Variants in SIAH1 observed in about 807,000 individuals in gnomAD.
SIAH1 encodes siah E3 ubiquitin protein ligase 1.
SIAH1 carries 2 observed loss-of-function variants against 20.0 expected under a neutral mutation model. The ratio of observed to expected loss-of-function variants is 0.10; its 90% CI spans 0.04 to 0.31. SIAH1 has a LOEUF of 0.31. SIAH1 is among the 10% of genes least tolerant of loss of function. The probability of loss-of-function intolerance (pLI) is 1.00; values close to 1 mark genes in which losing one functional copy is unlikely to be tolerated. For synonymous variants in SIAH1, 118 were observed against 125.3 expected, an observed-to-expected ratio of 0.94 and a Z score of 0.39; for missense variants, 119 against 355.3, an observed-to-expected ratio of 0.33 and a Z score of 5.35.
chr16:48,367,523 CTGGCTTTTGTCTAGATTGAGATGGG>C (rs1960872318), intron 1 of SIAH1, among the ~76,000 whole-genome samples: 1 of 152,218 alleles, frequency 6.6e-6, no homozygotes, highest in Admixed American at 6.5e-5. Context: ...CCAGCCTCAA[CTGGCTTTTGTCTAGATTGAGATGGG>C]TAATTTATGT....
upstream of SIAH1, among the ~76,000 whole-genome samples, chr16:48,385,658 CA>C (rs1209721150): frequency 6.6e-6 from 1 of 152,120 alleles, no homozygotes; most frequent in Non-Finnish European, 1.5e-5. Context: ...CGGATCCTGG[CA>C]CGTGGCGCTC....
At chr16:48,372,926 G>C (rs773065955) in intron 1 of SIAH1, among the ~76,000 whole-genome samples, 1 of 152,142 alleles carries the variant, frequency 6.6e-6, no homozygotes, top group Non-Finnish European at 1.5e-5. Context: ...TGAACTGTCA[G>C]CAACACCTAA....
upstream of SIAH1, among the ~76,000 whole-genome samples, chr16:48,385,723 G>T (rs1039625805): frequency 6.6e-6 from 1 of 152,050 alleles, no homozygotes; most frequent in African/African-American, 2.4e-5. Flanking sequence ...TCCTCCCGCG[G>T]CGCTTTGTTC....
intron 1 of SIAH1, among the ~76,000 whole-genome samples, chr16:48,383,948 C>CT (rs1961363356): frequency 6.6e-6 from 1 of 152,214 alleles, no homozygotes; most frequent in African/African-American, 2.4e-5. Context: ...GCTGCCACTG[C>CT]TTTCAGTCCA....
chr16:48,366,186 T>A (rs1459820983), intron 1 of SIAH1, among the ~76,000 whole-genome samples: 1 of 151,114 alleles, frequency 6.6e-6, no homozygotes, highest in Admixed American at 6.6e-5. Context: ...CTATTTTCGG[T>A]AGGTCAGAAC....
Position 48,362,567 on chromosome 16 carries a change from TA to T in SIAH1, c.-2-138del. The T allele has an allele frequency of 1.2e-6, 1 of 811,738 alleles. No homozygotes were observed. Among genetic ancestry groups the T allele is most frequent in the Non-Finnish European group, 1.9e-6 (1 of 517,420 alleles). 50.3% of individuals were successfully genotyped at this position (811,738 alleles called of 1,614,324 possible). A position where few individuals can be genotyped will look rare whatever the true frequency, so the allele number is the denominator to read the frequency against. On this transcript the variant is annotated intron_variant, in intron 1 of 1. Coordinates refer to ENST00000394725, the MANE Select transcript of SIAH1 (RefSeq NM_003031.4). This position sits in a 1 kb window ranked among gnomAD's most constrained non-coding sequence, Gnocchi z 4.2. ...AGCAAAAGAGGAAGAAAAATAGGAT[TA>T]AAAAAGATATTAAAAAAATAAAATT... is the stretch of plus-strand genomic sequence containing the variant.
chr16:48,366,900 A>G (rs1960856674), intron 1 of SIAH1, among the ~76,000 whole-genome samples: 1 of 152,140 alleles, frequency 6.6e-6, no homozygotes, highest in Non-Finnish European at 1.5e-5. Context: ...AGTCAGCCCC[A>G]CAACTACTTT....
chr16:48,362,375 T>C lies in SIAH1; in HGVS notation c.54A>G (p.Pro18=), dbSNP rs551135519. 1.2e-6 allele frequency: 2 copies of C among 1,614,228 alleles called. No homozygotes were observed. Among genetic ancestry groups the C allele is most frequent in the African/African-American group, 2.7e-5 (2 of 75,070 alleles). The change falls in exon 2 of 2, where the codon CCA becomes CCG. Residue 18 remains proline (P), a synonymous_variant. Transcript: ENST00000394725. This position sits in a 1 kb window ranked among gnomAD's most constrained non-coding sequence, Gnocchi z 4.2. ...CAGTCAGGGCAGGCACCCTCTGGGA[T>C]GGTGGACACTTCGAGGTACCGGTAG... ...ALPTGTSKCP[P]SQRVPALTGT... is the part of the protein sequence containing the mutation.
At chr16:48,379,080 A>G (rs868705033) in intron 1 of SIAH1, among the ~76,000 whole-genome samples, 50 of 152,366 alleles carry the variant, frequency 3.3e-4, no homozygotes, top group Admixed American at 2.2e-3. Context: ...ATGTGCTTTT[A>G]GATGCAAAGT....
chr16:48,361,446 CCTTT>C lies in SIAH1; in HGVS notation c.*130_*133del. 1 of 791,124 alleles carries C rather than the reference CCTTT, an allele frequency of 1.3e-6. No homozygotes were observed. Among genetic ancestry groups the C allele is most frequent in the Non-Finnish European group, 2.0e-6 (1 of 488,240 alleles). 49.0% of individuals were successfully genotyped at this position (791,124 alleles called of 1,614,324 possible). On this transcript the variant is annotated 3_prime_UTR_variant, in exon 2 of 2. Coordinates refer to ENST00000394725, the MANE Select transcript of SIAH1 (RefSeq NM_003031.4). ...TGCAACTGTTTCCTGTATTTAACAG[CCTTT>C]CTTTTTATTTACCTTCATGTGTCTA...
chr16:48,362,602 T>A lies in SIAH1; in HGVS notation c.-2-172A>T. The A allele has an allele frequency of 1.5e-6, 1 of 658,160 alleles. No individual in the cohort carries two copies. Among genetic ancestry groups the A allele is most frequent in the South Asian group, 2.0e-5 (1 of 49,636 alleles). 40.8% of individuals were successfully genotyped at this position (658,160 alleles called of 1,614,324 possible). On this transcript the variant is annotated intron_variant, in intron 1 of 1. Coordinates refer to ENST00000394725, the MANE Select transcript of SIAH1 (RefSeq NM_003031.4). This position sits in a 1 kb window ranked among gnomAD's most constrained non-coding sequence, Gnocchi z 4.2. The stretch of plus-strand genomic sequence containing the variant: ...ATTAAAAAAATAAAATTACACTGAA[T>A]GTGCACTTTATTAGGATCTGTACAC...
intron 1 of SIAH1, among the ~76,000 whole-genome samples, chr16:48,370,632 C>A (rs565049380): frequency 6.6e-6 from 1 of 152,004 alleles, no homozygotes; most frequent in Non-Finnish European, 1.5e-5. Context: ...CAGTGAAACC[C>A]CGTCTCTACT....
chr16:48,362,001 G>C lies in SIAH1; in HGVS notation c.428C>G (p.Ala143Gly). Residue 143 changes from alanine to glycine, a missense_variant, in exon 2 of 2, where the codon GCT (alanine) becomes GGT (glycine). By Grantham distance (60) the Ala-to-Gly change is moderately conservative (BLOSUM62 0). Transcript: ENST00000394725. This position sits in a 1 kb window ranked among gnomAD's most constrained non-coding sequence, Gnocchi z 4.2. ...ASCKWQGSLD[A>G]VMPHLMHQHK... ...CTGATGCATCAGATGGGGCATTACA[G>C]CATCCAGAGAGCCTTGCCATTTACA... 1 of 1,614,194 alleles carries C rather than the reference G, an allele frequency of 6.2e-7. No homozygotes were observed. The highest frequency in any genetic ancestry group is 2.2e-5 in the East Asian group (1 of 44,892).
In SIAH1 at chr16:48,362,015, T is replaced by C. The variant is rs746549456; in HGVS notation, c.414A>G (p.Gln138=). The C allele has an allele frequency of 1.2e-6, 2 of 1,614,168 alleles. No homozygotes were observed. The highest frequency in any genetic ancestry group is 1.7e-6 in the Non-Finnish European group (2 of 1,180,010). Reference sequence around the variant, plus strand: ...GGGGCATTACAGCATCCAGAGAGCCTTGCCATTTACAGGAAGCACCAGGGC... The same window carrying C: ...GGGGCATTACAGCATCCAGAGAGCCCTGCCATTTACAGGAAGCACCAGGGC... The part of the protein sequence containing the change: ...CPCPGASCKW[Q]GSLDAVMPHL... Residue 138 remains glutamine (Q), a synonymous_variant, in exon 2 of 2, where the codon CAA becomes CAG. Transcript: ENST00000394725. This position sits in a 1 kb window ranked among gnomAD's most constrained non-coding sequence, Gnocchi z 4.2.
At chr16:48,363,965 T>TG (rs1960724437) in intron 1 of SIAH1, 1 of 154,968 alleles carries the variant, frequency 6.5e-6, no homozygotes, top group Middle Eastern at 3.2e-3. Context: ...TTTTTTTTTT[T>TG]TTTGAGATGG....
chr16:48,362,339 T>C lies in SIAH1; in HGVS notation c.90A>G (p.Ala30=), dbSNP rs1442630981. 1.2e-6 allele frequency: 2 copies of C among 1,614,076 alleles called. No individual in the cohort carries two copies. The highest frequency in any genetic ancestry group is 1.7e-6 in the Non-Finnish European group (2 of 1,180,052). Residue 30 remains alanine (A), a synonymous_variant, in exon 2 of 2, where the codon GCA becomes GCG. Coordinates refer to ENST00000394725, the MANE Select transcript of SIAH1 (RefSeq NM_003031.4). The surrounding 1 kb of genome is among the most constrained non-coding windows in gnomAD (Gnocchi z 4.2). ...QRVPALTGTT[A]SNNDLASLFE... is the part of the protein sequence containing the mutation. ...AAAGACTCGCCAAGTCATTGTTGGA[T>C]GCAGTTGTGCCAGTCAGGGCAGGCA...
At chr16:48,363,527 T>TC (rs1960694840) in intron 1 of SIAH1, 1 of 167,004 alleles carries the variant, frequency 6.0e-6, no homozygotes, top group South Asian at 2.1e-4. Flanking sequence ...AGTATATCTT[T>TC]CTGTTCTACT....
chr16:48,367,257 G>C (rs1052687660), intron 1 of SIAH1, among the ~76,000 whole-genome samples: 4 of 152,150 alleles, frequency 2.6e-5, no homozygotes, highest in Non-Finnish European at 5.9e-5. Flanking sequence ...ATTTCATATA[G>C]AGAAACTCTT....
chr16:48,379,567 T>TA (rs1567376487), intron 1 of SIAH1, among the ~76,000 whole-genome samples: 2 of 152,200 alleles, frequency 1.3e-5, no homozygotes, highest in East Asian at 3.8e-4. Flanking sequence ...AGTCGCTCAA[T>TA]AACTTTTTAC....
Sources: gnomAD v4.1 joint callset for allele counts (sites outside exome capture counted in the v4.1 genomes callset) on GRCh38, gnomAD v4.1.1 for gene constraint, Gnocchi (gnomAD v3.1) non-coding constraint, MANE v1.5 for transcripts, NCBI Gene and HGNC (gene_info 2026-07-23, HGNC 2026-07-21) for gene names.